CCDC57: variants seen among roughly 807,000 people sequenced by gnomAD.
CCDC57 encodes coiled-coil domain-containing protein 57.
A neutral mutation model predicts 118.9 loss-of-function variants in CCDC57; 118 were observed. The ratio of observed to expected loss-of-function variants is 0.99; its 90% CI spans 0.86 to 1.16. The LOEUF is 1.16. CCDC57 is among the 50% of genes most tolerant of loss of function. The probability of loss-of-function intolerance (pLI) is 0.00; values close to 1 mark genes in which losing one functional copy is unlikely to be tolerated. For synonymous variants in CCDC57, 527 were observed against 532.9 expected (o/e 0.99, Z 0.15); for missense variants, 1,300 against 1,320.7 (o/e 0.98, Z 0.24).
chr17:82,102,833 C>T (rs1195706759), intron 19 of CCDC57, among the ~76,000 whole-genome samples: 1 of 151,090 alleles, frequency 6.6e-6, no homozygotes, highest in Non-Finnish European at 1.5e-5. Flanking sequence ...TGCAGTGAGC[C>T]GAGATTGCGC....
intron 16 of CCDC57, among the ~76,000 whole-genome samples, chr17:82,139,085 T>C (rs36048409): frequency 6.6e-6 from 1 of 152,244 alleles, no homozygotes; most frequent in East Asian, 1.9e-4. Context: ...TTCACACTTA[T>C]CTGTAAATAA....
intron 19 of CCDC57, chr17:82,113,012 G>T: frequency 4.2e-6 from 1 of 239,920 alleles, no homozygotes; most frequent in Non-Finnish European, 8.1e-6. Context: ...AATATTATCA[G>T]AAAGTAAGCC....
At chr17:82,123,122 C>CTTT (rs34869339) in intron 19 of CCDC57, among the ~76,000 whole-genome samples, 1,179 of 105,770 alleles carry the variant, frequency 0.011, 57 homozygotes, top group African/African-American at 0.036. Flanking sequence ...CTCCTAATAA[C>CTTT]TTTTTTTTTT....
intron 16 of CCDC57, among the ~76,000 whole-genome samples, chr17:82,147,834 A>G (rs1482916686): frequency 1.9e-4 from 14 of 74,474 alleles, no homozygotes; most frequent in East Asian, 8.7e-4. Context: ...GTGGATGGGT[A>G]GATGGATGGA....
exon 19 of CCDC57, chr17:82,127,813 C>A: frequency 6.2e-7 from 1 of 1,612,880 alleles, no homozygotes. Flanking sequence ...GGCGACCATG[C>A]TCCTCAGGGT....
chr17:82,194,600 G>A (rs903790938), intron 5 of CCDC57, among the ~76,000 whole-genome samples: 5 of 152,092 alleles, frequency 3.3e-5, no homozygotes, highest in Admixed American at 6.5e-5. Context: ...GTGAGCCACC[G>A]TGCCCGGCCT....
At chr17:82,175,128 C>T (rs115664422) in intron 11 of CCDC57, among the ~76,000 whole-genome samples, 200 of 152,288 alleles carry the variant, frequency 1.3e-3, no homozygotes, top group African/African-American at 4.6e-3. Context: ...AGATTCTGTT[C>T]GTGAAGAATT....
At chr17:82,209,324 C>A (rs949818665) in intron 1 of CCDC57, among the ~76,000 whole-genome samples, 1 of 152,108 alleles carries the variant, frequency 6.6e-6, no homozygotes, top group Admixed American at 6.6e-5. Context: ...TTAGACTTTG[C>A]GGACTTTTAG....
chr17:82,127,661 T>C (rs771562622), intron 19 of CCDC57, 31 bp downstream of exon 18: 4 of 1,564,868 alleles, frequency 2.6e-6, no homozygotes, highest in South Asian at 1.2e-5. Flanking sequence ...CTGCCAGCTG[T>C]GGGCAGCTCC....
intron 16 of CCDC57, among the ~76,000 whole-genome samples, chr17:82,145,026 C>CTTTTTTTTTTTTTTTTTTT (rs63184860): frequency 7.5e-5 from 9 of 120,262 alleles, no homozygotes; most frequent in Non-Finnish European, 1.2e-4. Flanking sequence ...TTTTTTTTTT[C>CTTTTTTTTTTTTTTTTTTT]TTTTTTTTTT....
intron 19 of CCDC57, 176 bp downstream of exon 18, chr17:82,127,516 G>A: frequency 1.0e-6 from 1 of 985,446 alleles, no homozygotes; most frequent in Non-Finnish European, 1.2e-6. Context: ...CATAACCCGG[G>A]AAACACTCAG....
At chr17:82,127,615 C>T in intron 19 of CCDC57, 77 bp downstream of exon 18, 1 of 1,503,148 alleles carries the variant, frequency 6.7e-7, no homozygotes, top group South Asian at 1.3e-5. Context: ...GGTGCTGACT[C>T]TCCACATGCC....
At chr17:82,169,611 T>C (rs2044425386) in intron 13 of CCDC57, among the ~76,000 whole-genome samples, 1 of 152,120 alleles carries the variant, frequency 6.6e-6, no homozygotes. Context: ...AGCTCGGTGA[T>C]GCTGGGGAGG....
At chr17:82,200,634 GA>G (rs1397905566) in intron 3 of CCDC57, among the ~76,000 whole-genome samples, 4 of 150,716 alleles carry the variant, frequency 2.7e-5, no homozygotes, top group East Asian at 3.9e-4. Context: ...AAATACAAAA[GA>G]AAAAAAAATT....
chr17:82,117,458 T>C (rs1250682391), intron 19 of CCDC57, among the ~76,000 whole-genome samples: 4 of 152,104 alleles, frequency 2.6e-5, no homozygotes, highest in African/African-American at 7.2e-5. Context: ...CTGGGCAACA[T>C]GGCAAGATCC....
intron 3 of CCDC57, 35 bp from the exon 3 acceptor site, chr17:82,198,457 C>T: frequency 1.4e-6 from 2 of 1,379,864 alleles, no homozygotes; most frequent in East Asian, 2.3e-5. Context: ...AAAAGCCATA[C>T]CAAATATTCA....
intron 19 of CCDC57, 34 bp from the exon 19 acceptor site, chr17:82,101,900 A>G (rs568581488): frequency 5.9e-6 from 9 of 1,523,168 alleles, no homozygotes; most frequent in African/African-American, 2.8e-5. Context: ...AGCATGCATC[A>G]GGATGGCAGG....
chr17:82,196,714 A>G (rs948697021), intron 4 of CCDC57, among the ~76,000 whole-genome samples: 6 of 152,090 alleles, frequency 3.9e-5, no homozygotes, highest in Non-Finnish European at 7.4e-5. Context: ...ACCTGCATAG[A>G]CAGAGCCATT....
chr17:82,126,236 C>T (rs185571787), intron 19 of CCDC57: 36 of 330,360 alleles, frequency 1.1e-4, no homozygotes, highest in Admixed American at 3.3e-4. Flanking sequence ...GCTGAGATTG[C>T]GCCATTGCAC....
Sources: allele counts gnomAD v4.1 joint callset (sites outside exome capture counted in the v4.1 genomes callset), GRCh38; gene constraint gnomAD v4.1.1; transcripts MANE v1.5; gene names NCBI Gene and HGNC (gene_info 2026-07-23, HGNC 2026-07-21).